KNDC1: variants seen among roughly 807,000 people sequenced by gnomAD.
KNDC1 encodes kinase non-catalytic C-lobe domain containing 1.
A neutral mutation model predicts 172.8 loss-of-function variants in KNDC1; 106 were observed. That is an observed-to-expected ratio of 0.61 (90% CI 0.52 to 0.72). The LOEUF (loss-of-function observed/expected upper bound fraction) is 0.72. KNDC1 is among the 30% of genes least tolerant of loss of function. KNDC1 has a pLI of 0.00. For synonymous variants in KNDC1, 1,083 were observed against 1,062.2 expected, an observed-to-expected ratio of 1.02 and a Z score of -0.38; for missense variants, 2,325 against 2,394.5, an observed-to-expected ratio of 0.97 and a Z score of 0.61.
intron 15 of KNDC1, among the ~76,000 whole-genome samples, 158 bp downstream of exon 15, chr10:133,199,760 G>A (rs1022329720): frequency 6.6e-6 from 1 of 152,196 alleles, no homozygotes; most frequent in Admixed American, 6.5e-5. Flanking sequence ...ATGGGTGGGG[G>A]TCCCAGCAGC....
chr10:133,185,895 GGAGGA>G (rs1392135949), intron 5 of KNDC1, 74 bp from the exon 6 acceptor site: 8 of 642,182 alleles, frequency 1.2e-5, no homozygotes, highest in African/African-American at 1.0e-4. Context: ...GGGAGGGGTG[GGAGGA>G]GAGGGGAGGG....
chr10:133,210,098 G>C (rs1190013712), intron 20 of KNDC1, among the ~76,000 whole-genome samples: 1 of 152,160 alleles, frequency 6.6e-6, no homozygotes, highest in African/African-American at 2.4e-5. Flanking sequence ...AAAGGCCCTG[G>C]TGTTCAGCAG....
rs1854024656 is a variant in KNDC1 at position 133,189,684 on chromosome 10, T to C, written c.1513+15T>C. Reference sequence around the variant, plus strand: ...CCCTGCCAACGGTGAGTGTGTGGGTTCCCCTCAGGCCGAGTCCAGCACCGG... The same window carrying C: ...CCCTGCCAACGGTGAGTGTGTGGGTCCCCCTCAGGCCGAGTCCAGCACCGG... On this transcript the variant is annotated intron_variant, in intron 8 of 29. Coordinates refer to ENST00000304613, the MANE Select transcript of KNDC1 (RefSeq NM_152643.8). 6.2e-7 allele frequency: 1 copy of C among 1,613,810 alleles called. No individual in the cohort carries two copies. The highest frequency in any genetic ancestry group is 8.5e-7 in the Non-Finnish European group (1 of 1,179,922).
intron 28 of KNDC1, among the ~76,000 whole-genome samples, chr10:133,219,617 C>G (rs1845540029): frequency 6.6e-6 from 1 of 152,208 alleles, no homozygotes; most frequent in African/African-American, 2.4e-5. Flanking sequence ...GGGCCCTGCT[C>G]TGGTCAGCCG....
At chr10:133,189,098 GC>G (rs1277615353) in intron 7 of KNDC1, among the ~76,000 whole-genome samples, 1 of 152,216 alleles carries the variant, frequency 6.6e-6, no homozygotes, top group Admixed American at 6.5e-5. Flanking sequence ...GCACGGGTCT[GC>G]CCCGTCAAAG....
chr10:133,201,627 C>G lies in KNDC1; in HGVS notation c.3116C>G (p.Ser1039Cys), dbSNP rs750768001. 9 of 1,613,078 alleles carry G rather than the reference C, an allele frequency of 5.6e-6. No individual in the cohort carries two copies. The highest frequency in any genetic ancestry group is 1.1e-5 in the South Asian group (1 of 91,086). The change falls in exon 17 of 30, where the codon TCC (serine) becomes TGC (cysteine). Residue 1039 changes from serine to cysteine, a missense_variant. By Grantham distance (112) the Ser-to-Cys change is moderately radical (BLOSUM62 -1). Transcript: ENST00000304613. ...NFEVGFRPQR[S>C]VKAERAQQPE... ...GAGGTGGGGTTTCGGCCTCAGAGGT[C>G]CGTAAAAGCCGAGAGAGCGCAGCAG...
At chr10:133,201,411 T>TGCAA (rs1189432170) in intron 16 of KNDC1, 90 bp from the exon 17 acceptor site, 4 of 1,378,616 alleles carry the variant, frequency 2.9e-6, no homozygotes, top group Non-Finnish European at 4.0e-6. Context: ...GCGTCGGGTG[T>TGCAA]GCAAGCACCA....
At position 133,200,418 on chromosome 10, in the gene KNDC1, C is replaced by T. The variant is rs150762353; in HGVS notation, c.2947C>T (p.Pro983Ser). Residue 983 changes from proline (P) to serine (S), a missense_variant, in exon 16 of 30, where the codon CCC becomes TCC. Pro to Ser is a moderately conservative substitution (Grantham distance 74). Coordinates refer to ENST00000304613, the MANE Select transcript of KNDC1 (RefSeq NM_152643.8). ...AGSQLEGSQS[P>S]RSPSSKRPSL... ...GTCACAGCTCGAGGGCAGCCAAAGC[C>T]CCCGCTCCCCGTCCAGCAAGAGGCC... The T allele has an allele frequency of 6.6e-5, 106 of 1,598,114 alleles. No individual in the cohort carries two copies. In the African/African-American group the frequency reaches 1.3e-3, roughly 20 times the overall value.
intron 7 of KNDC1, among the ~76,000 whole-genome samples, chr10:133,188,974 G>A (rs1379502791): frequency 4.6e-5 from 7 of 152,138 alleles, no homozygotes; most frequent in African/African-American, 7.2e-5. Flanking sequence ...TGACTGTGCC[G>A]TAAAGAGGAA....
In KNDC1 at chr10:133,186,507, C is replaced by T. The variant is rs1170069176; in HGVS notation, c.1159C>T (p.Pro387Ser). The T allele has an allele frequency of 6.2e-7, 1 of 1,612,366 alleles. No homozygotes were observed. Residue 387 changes from proline to serine, a missense_variant, in exon 6 of 30, where the codon CCT (proline) becomes TCT (serine). By Grantham distance (74) the Pro-to-Ser change is moderately conservative. Coordinates refer to ENST00000304613, the MANE Select transcript of KNDC1 (RefSeq NM_152643.8). ...TGCAGGCCGCAGCACGGACAGGGGC[C>T]CTGGGGTGCCCGGCAGTCCAGGACA... ...PCAGRSTDRG[P>S]GVPGSPGQPE...
chr10:133,183,929 C>T lies in KNDC1; in HGVS notation c.565C>T (p.Arg189Trp), dbSNP rs761767238. The part of the protein sequence containing the change: ...LQLTSSCRVC[R>W]SLSAVGRRVL... Reference sequence around the variant, plus strand: ...GCTCACATCCTCCTGTCGCGTGTGCCGGAGCCTCTCTGCTGTGGGGAGGAG... The same window carrying T: ...GCTCACATCCTCCTGTCGCGTGTGCTGGAGCCTCTCTGCTGTGGGGAGGAG... The change falls in exon 5 of 30, where the codon CGG (arginine) becomes TGG (tryptophan). Residue 189 changes from arginine (R) to tryptophan (W), a missense_variant. Arg to Trp is a moderately radical substitution (Grantham distance 101). Transcript: ENST00000304613. 1.7e-5 allele frequency: 28 copies of T among 1,603,798 alleles called. No homozygotes were observed. The highest frequency in any genetic ancestry group is 3.4e-5 in the Admixed American group (2 of 59,624).
chr10:133,213,003 G>A (rs11101643), intron 24 of KNDC1, 81 bp downstream of exon 24: 32,798 of 1,263,932 alleles, frequency 0.026, 491 homozygotes, highest in Middle Eastern at 0.034. Context: ...GGCCCTCAGC[G>A]GCTGCTTCCA....
chr10:133,188,664 C>T lies in KNDC1; in HGVS notation c.1441+11C>T, dbSNP rs1048696298. 18 of 1,526,686 alleles carry T rather than the reference C, an allele frequency of 1.2e-5. No homozygotes were observed. The highest frequency in any genetic ancestry group is 1.3e-5 in the Non-Finnish European group (15 of 1,129,618). The allele number at this position is 1,526,686 out of a possible 1,614,324, so 94.6% of individuals were successfully genotyped here. A position where few individuals can be genotyped will look rare whatever the true frequency, so the allele number is the denominator to read the frequency against. Reference sequence around the variant, plus strand: ...GCCCTGAGCACCCAGGTGACGCACGCACCATCCCATCCCCCCCGCCGTCCC... The same window carrying T: ...GCCCTGAGCACCCAGGTGACGCACGTACCATCCCATCCCCCCCGCCGTCCC... On this transcript the variant is annotated intron_variant, in intron 7 of 29. Coordinates refer to ENST00000304613, the MANE Select transcript of KNDC1 (RefSeq NM_152643.8).
intron 3 of KNDC1, among the ~76,000 whole-genome samples, chr10:133,177,441 A>T (rs1480647632): frequency 8.1e-6 from 1 of 123,518 alleles, no homozygotes; most frequent in East Asian, 3.0e-4. Context: ...CATGAATGTA[A>T]TGTGGTATGC....
At position 133,197,117 on chromosome 10, in the gene KNDC1, C is replaced by T. The variant is rs1324431609; in HGVS notation, c.1794C>T (p.Leu598=). The part of the protein sequence containing the change: ...GMDSRKILAH[L]RASICQVYQE... ...ACAGCCGGAAAATCCTTGCCCACCTCAGAGCTTCCATCTGCCAGGTGGGCT... is the reference window on the plus strand; with the variant it reads ...ACAGCCGGAAAATCCTTGCCCACCTTAGAGCTTCCATCTGCCAGGTGGGCT... The change falls in exon 11 of 30, where the codon CTC becomes CTT. Residue 598 remains leucine, a synonymous_variant. Transcript: ENST00000304613. 1 of 1,613,072 alleles carries T rather than the reference C, an allele frequency of 6.2e-7. No homozygotes were observed. The highest frequency in any genetic ancestry group is 2.2e-5 in the East Asian group (1 of 44,874).
At chr10:133,176,128 A>G (rs905741153) in intron 3 of KNDC1, among the ~76,000 whole-genome samples, 1 of 150,820 alleles carries the variant, frequency 6.6e-6, no homozygotes, top group Admixed American at 6.6e-5. Context: ...ATGAACAGGC[A>G]GATGTATGGG....
At chr10:133,167,208 A>C (rs1185249170) in intron 1 of KNDC1, 173 bp from the exon 2 acceptor site, 1 of 641,174 alleles carries the variant, frequency 1.6e-6, no homozygotes. Context: ...ACGTCCAGGG[A>C]ACAGCAGGAC....
chr10:133,168,478 G>T (rs1853258060), intron 3 of KNDC1, among the ~76,000 whole-genome samples, 166 bp downstream of exon 3: 1 of 152,080 alleles, frequency 6.6e-6, no homozygotes, highest in Non-Finnish European at 1.5e-5. Context: ...ACGGCCTCTG[G>T]GGCACACCCG....
chr10:133,169,917 C>A (rs1853320426), intron 3 of KNDC1, among the ~76,000 whole-genome samples: 1 of 152,246 alleles, frequency 6.6e-6, no homozygotes, highest in African/African-American at 2.4e-5. Context: ...CCCCGTGGGA[C>A]TCGCATTCCT....
Sources: allele counts gnomAD v4.1 joint callset (sites outside exome capture counted in the v4.1 genomes callset), GRCh38; gene constraint gnomAD v4.1.1; transcripts MANE v1.5; gene names NCBI Gene and HGNC (gene_info 2026-07-23, HGNC 2026-07-21).